HMSD: variants seen among roughly 807,000 people sequenced by gnomAD.
HMSD encodes the protein histocompatibility minor serpin domain containing, also known as serpin-like protein HMSD.
HMSD carries 13 observed loss-of-function variants against 10.0 expected under a neutral mutation model. The ratio of observed to expected loss-of-function variants is 1.31; its 90% CI spans 0.85 to 2.08. The LOEUF is 2.08. HMSD is among the 30% of genes most tolerant of loss of function. The pLI, the probability that HMSD is intolerant of heterozygous loss-of-function variation, is 0.00. For missense variants in HMSD, 169 were observed against 166.3 expected (o/e 1.02, Z -0.09); for synonymous variants, 51 against 54.2 (o/e 0.94, Z 0.26).
intron 3 of HMSD, among the ~76,000 whole-genome samples, chr18:63,954,990 A>G (rs991365994): frequency 9.2e-5 from 14 of 152,268 alleles, no homozygotes; most frequent in African/African-American, 3.4e-4. Context: ...GCATTCGCTG[A>G]CAATGCTTTC....
chr18:63,960,208 A>G lies in HMSD; in HGVS notation c.273A>G (p.Leu91=), dbSNP rs368275107. 3.0e-5 allele frequency: 48 copies of G among 1,613,222 alleles called. 3 individuals are homozygous for G. Among genetic ancestry groups the G allele is most frequent in the Admixed American group, 1.7e-4 (10 of 59,904 alleles). ...GKFYQATIKQ[L]DFVNDTEKST... Reference sequence around the variant, plus strand: ...TCTACCAAGCAACGATAAAACAGCTAGACTTTGTGAATGATACAGAGAAGT... The same window carrying G: ...TCTACCAAGCAACGATAAAACAGCTGGACTTTGTGAATGATACAGAGAAGT... The change falls in exon 4 of 4, where the codon CTA becomes CTG. Residue 91 remains leucine (L), a synonymous_variant. Coordinates refer to ENST00000408945, the MANE Select transcript of HMSD (RefSeq NM_001123366.2).
downstream of HMSD, among the ~76,000 whole-genome samples, chr18:63,963,750 T>C (rs375237397): frequency 9.9e-5 from 15 of 152,226 alleles, 1 homozygote; most frequent in Admixed American, 6.5e-4. Context: ...TCTACCTTTG[T>C]GGACTTTGTG....
At chr18:63,966,192 A>G (rs1227684946), downstream of HMSD, among the ~76,000 whole-genome samples, 1 of 152,186 alleles carries the variant, frequency 6.6e-6, no homozygotes, top group Non-Finnish European at 1.5e-5. Flanking sequence ...CCACACCCAA[A>G]CCACAGCCAT....
At chr18:63,964,455 G>A (rs990588056), downstream of HMSD, among the ~76,000 whole-genome samples, 1 of 152,168 alleles carries the variant, frequency 6.6e-6, no homozygotes, top group South Asian at 2.1e-4. Flanking sequence ...CAGGAGAATC[G>A]CTTGAACCCA....
intron 3 of HMSD, among the ~76,000 whole-genome samples, chr18:63,955,880 G>C (rs924418107): frequency 6.6e-6 from 1 of 152,220 alleles, no homozygotes; most frequent in Non-Finnish European, 1.5e-5. Context: ...AGAGTTCCTA[G>C]TGGGATTCAC....
At chr18:63,955,530 C>T (rs1311523934) in intron 3 of HMSD, among the ~76,000 whole-genome samples, 1 of 152,108 alleles carries the variant, frequency 6.6e-6, no homozygotes, top group African/African-American at 2.4e-5. Flanking sequence ...AAATTGCTCT[C>T]CACAGTTTTG....
downstream of HMSD, among the ~76,000 whole-genome samples, chr18:63,965,499 G>A (rs2050405871): frequency 1.3e-5 from 2 of 152,152 alleles, no homozygotes; most frequent in Admixed American, 1.3e-4. Flanking sequence ...ACTAATGAGG[G>A]ACTAATGGCA....
chr18:63,963,073 C>CTTTCTTTCTTTCTTTA, downstream of HMSD, among the ~76,000 whole-genome samples: 1 of 6,750 alleles, frequency 1.5e-4, no homozygotes, highest in South Asian at 6.8e-3. Context: ...TTTTCTTTCT[C>CTTTCTTTCTTTCTTTA]TTTCTTTCTT....
chr18:63,954,684 A>T (rs1307231209), intron 3 of HMSD, 127 bp downstream of exon 3: 2 of 719,622 alleles, frequency 2.8e-6, no homozygotes, highest in Non-Finnish European at 4.6e-6. Context: ...TCTCACACGC[A>T]TCTTGTGATT....
At chr18:63,957,319 AT>A (rs1288240797) in intron 3 of HMSD, among the ~76,000 whole-genome samples, 16 of 150,284 alleles carry the variant, frequency 1.1e-4, no homozygotes, top group African/African-American at 4.0e-4. Context: ...AAAAAAAAAA[AT>A]AAAAACTTTT....
chr18:63,963,071 C>CTTT (rs1460858147), downstream of HMSD, among the ~76,000 whole-genome samples: 3,741 of 104,594 alleles, frequency 0.036, 98 homozygotes, highest in Middle Eastern at 0.066. Context: ...TCTTTTCTTT[C>CTTT]TCTTTCTTTC....
intron 3 of HMSD, among the ~76,000 whole-genome samples, 199 bp downstream of exon 3, chr18:63,954,756 T>C (rs1216736296): frequency 6.6e-6 from 1 of 152,248 alleles, no homozygotes; most frequent in Non-Finnish European, 1.5e-5. Flanking sequence ...TGTGAAGCTT[T>C]AATGAGATAA....
intron 1 of HMSD, among the ~76,000 whole-genome samples, chr18:63,952,131 G>A (rs2050333821): frequency 8.3e-6 from 1 of 120,098 alleles, no homozygotes; most frequent in South Asian, 3.2e-4. Flanking sequence ...ACACTCTGGG[G>A]ACTGTGGTGG....
chr18:63,952,284 AT>A (rs1170657839), intron 1 of HMSD, among the ~76,000 whole-genome samples: 1 of 143,392 alleles, frequency 7.0e-6, no homozygotes, highest in African/African-American at 3.0e-5. Flanking sequence ...TTAAAGTATA[AT>A]AATAAAAAAA....
At chr18:63,959,250 A>G (rs763267216) in intron 3 of HMSD, among the ~76,000 whole-genome samples, 12 of 152,138 alleles carry the variant, frequency 7.9e-5, no homozygotes, top group Non-Finnish European at 1.0e-4. Context: ...AAACTTCCAC[A>G]CTGTCTTCCA....
chr18:63,958,527 C>G (rs753032336), intron 3 of HMSD, among the ~76,000 whole-genome samples: 5 of 152,042 alleles, frequency 3.3e-5, no homozygotes, highest in Non-Finnish European at 7.4e-5. Flanking sequence ...TAATTTCCAC[C>G]AAATGTTCTG....
intron 1 of HMSD, among the ~76,000 whole-genome samples, chr18:63,950,506 A>G (rs1284298530): frequency 1.3e-5 from 2 of 150,050 alleles, no homozygotes; most frequent in Non-Finnish European, 3.0e-5. Context: ...ATGCTGTGTG[A>G]TGATTCATAT....
downstream of HMSD, among the ~76,000 whole-genome samples, chr18:63,963,111 T>TTTCTTTCTCTTTC (rs1555710064): frequency 2.4e-4 from 35 of 143,594 alleles, no homozygotes; most frequent in African/African-American, 8.3e-4. Context: ...CTTTCTTTCT[T>TTTCTTTCTCTTTC]TCTTTCTTTC....
At chr18:63,963,119 TTCTTTCTTTC>T (rs1568261403), downstream of HMSD, among the ~76,000 whole-genome samples, 1 of 136,720 alleles carries the variant, frequency 7.3e-6, no homozygotes, top group Admixed American at 7.2e-5. Flanking sequence ...CTTTCTTTCT[TTCTTTCTTTC>T]TTTCCTTTCT....
Sources: allele counts gnomAD v4.1 joint callset (sites outside exome capture counted in the v4.1 genomes callset), GRCh38; gene constraint gnomAD v4.1.1; transcripts MANE v1.5; gene names NCBI Gene and HGNC (gene_info 2026-07-23, HGNC 2026-07-21).